The following MSI2 variants were observed in gnomAD, a reference collection of about 807,000 sequenced individuals.
The protein encoded by MSI2 is RNA-binding protein Musashi homolog 2.
In MSI2, 17 loss-of-function variants were observed where a neutral mutation model predicts 45.6. The observed-to-expected ratio is 0.37, with a 90% CI of 0.26 to 0.56. The LOEUF is 0.56. MSI2 is among the 20% of genes least tolerant of loss of function. The pLI is 0.77. For missense variants in MSI2, 293 were observed against 444.2 expected (o/e 0.66, Z 3.06); for synonymous variants, 156 against 158.2 (o/e 0.99, Z 0.11).
intron 9 of MSI2, among the ~76,000 whole-genome samples, chr17:57,617,505 A>T (rs1431784642): frequency 1.3e-5 from 2 of 152,248 alleles, no homozygotes; most frequent in African/African-American, 4.8e-5. Flanking sequence ...GTGTGATTTT[A>T]AAAATCAGTG....
intron 5 of MSI2, among the ~76,000 whole-genome samples, chr17:57,343,735 T>A (rs1261727120): frequency 6.6e-6 from 1 of 152,216 alleles, no homozygotes; most frequent in Non-Finnish European, 1.5e-5. Flanking sequence ...CATTTAGGTT[T>A]TTTTGATGAC....
At chr17:57,586,762 C>CA (rs2088358685) in intron 7 of MSI2, among the ~76,000 whole-genome samples, 1 of 152,032 alleles carries the variant, frequency 6.6e-6, no homozygotes, top group South Asian at 2.1e-4. Context: ...CCTGTGATCC[C>CA]ACCCCTTGGG....
intron 7 of MSI2, among the ~76,000 whole-genome samples, chr17:57,588,994 C>CG (rs1904568860): frequency 6.6e-6 from 1 of 152,186 alleles, no homozygotes; most frequent in Admixed American, 6.5e-5. Flanking sequence ...TGCTCAGTGA[C>CG]GGCAGATGAG....
At chr17:57,366,786 G>C (rs1598175785) in intron 5 of MSI2, among the ~76,000 whole-genome samples, 1 of 152,202 alleles carries the variant, frequency 6.6e-6, no homozygotes, top group East Asian at 1.9e-4. Flanking sequence ...TTTTGCCATA[G>C]CGTGGGTGGC....
chr17:57,506,503 T>C (rs955138133), intron 6 of MSI2, among the ~76,000 whole-genome samples: 2 of 152,186 alleles, frequency 1.3e-5, no homozygotes, highest in Non-Finnish European at 2.9e-5. Context: ...GTGGGTCTGC[T>C]CTTTCTGGTG....
intron 5 of MSI2, among the ~76,000 whole-genome samples, chr17:57,400,488 C>T (rs1041943194): frequency 2.0e-5 from 3 of 152,008 alleles, no homozygotes; most frequent in African/African-American, 4.8e-5. Flanking sequence ...ATGTGCCTGA[C>T]GCTGTGCCTG....
chr17:57,502,636 T>TATATATATATATATATAG lies in MSI2; in HGVS notation c.406-27039_406-27038insTATATATATATATATAGA. On this transcript the variant is annotated intron_variant, in intron 6 of 13. Coordinates refer to ENST00000284073, the MANE Select transcript of MSI2 (RefSeq NM_138962.4). ...ATATATATATATATATATATATATA[T>TATATATATATATATATAG]AGTCATCATTCTGTCATGCAGGAAG... Among the ~76,000 whole-genome samples the TATATATATATATATATAG allele has an allele frequency of 8.7e-3, 840 of 96,362 alleles. 24 individuals are homozygous for TATATATATATATATATAG. The highest frequency in any genetic ancestry group is 0.011 in the Non-Finnish European group (495 of 46,228). The allele number at this position is 96,362 out of a possible 152,430, so 63.2% of individuals were successfully genotyped here. A position where few individuals can be genotyped will look rare whatever the true frequency, so the allele number is the denominator to read the frequency against.
intron 7 of MSI2, among the ~76,000 whole-genome samples, chr17:57,558,401 C>G (rs1168921954): frequency 6.6e-6 from 1 of 152,074 alleles, no homozygotes; most frequent in African/African-American, 2.4e-5. Context: ...GTTGAGGCCC[C>G]GCATCCTGGA....
At chr17:57,265,437 G>A (rs56401533) in intron 5 of MSI2, 6 of 152,122 alleles carry the variant, frequency 3.9e-5, no homozygotes, top group Non-Finnish European at 7.4e-5. Context: ...GAAAGAAATG[G>A]TAACTTAAAA....
chr17:57,585,924 G>A (rs549684203), intron 7 of MSI2, among the ~76,000 whole-genome samples: 16 of 152,376 alleles, frequency 1.1e-4, no homozygotes, highest in African/African-American at 2.9e-4. Context: ...CCCGCTGGGC[G>A]CGAGCTGCAG....
At chr17:57,305,843 T>C (rs1911835209) in intron 5 of MSI2, among the ~76,000 whole-genome samples, 1 of 152,222 alleles carries the variant, frequency 6.6e-6, no homozygotes, top group African/African-American at 2.4e-5. Flanking sequence ...CACAAGGTAC[T>C]GTGAAAAGCT....
At chr17:57,419,608 AG>A (rs1245366510) in intron 6 of MSI2, among the ~76,000 whole-genome samples, 1 of 151,312 alleles carries the variant, frequency 6.6e-6, no homozygotes, top group African/African-American at 2.4e-5. Flanking sequence ...TCCTGACCTC[AG>A]GTGATCCACC....
chr17:57,263,865 T>C (rs1275533490), intron 5 of MSI2: 1 of 152,244 alleles, frequency 6.6e-6, no homozygotes, highest in African/African-American at 2.4e-5. Flanking sequence ...ATGAAACCAC[T>C]TGGGGGAGAA....
intron 10 of MSI2, among the ~76,000 whole-genome samples, chr17:57,647,593 G>A (rs1358535336): frequency 6.6e-6 from 1 of 152,060 alleles, no homozygotes; most frequent in Non-Finnish European, 1.5e-5. Flanking sequence ...CTGATGCCTG[G>A]ACAGAGACCT....
At chr17:57,593,176 T>C (rs1904986258) in intron 7 of MSI2, among the ~76,000 whole-genome samples, 1 of 152,152 alleles carries the variant, frequency 6.6e-6, no homozygotes, top group African/African-American at 2.4e-5. Context: ...CAGAGCAGCA[T>C]GATTGGCCAA....
At position 57,639,250 on chromosome 17, in the gene MSI2, C is replaced by T. The variant is rs114654632; in HGVS notation, c.727+11947C>T. Among the ~76,000 whole-genome samples, 307 of 152,320 alleles carry T rather than the reference C, an allele frequency of 2.0e-3. 2 individuals are homozygous for T. Among genetic ancestry groups the T allele is most frequent in the African/African-American group, 6.6e-3 (273 of 41,562 alleles). On this transcript the variant is annotated intron_variant, in intron 10 of 13. Transcript: ENST00000284073. ...AACATCCGAGCCGAGTTTTGGAGCA[C>T]GCACAGAAGTTCGCCAGGCAGATGA... is the stretch of plus-strand genomic sequence containing the variant.
rs563203803 is a variant in MSI2, at chr17:57,288,379, G to T, written c.312+26187G>T. On this transcript the variant is annotated intron_variant, in intron 5 of 13. Transcript: ENST00000284073. ...TTTACTGCTTTGGACCGAGAGGCCC[G>T]AGTGTGCTGTTTAGCCTTCCAGGCC... Among the ~76,000 whole-genome samples the T allele has an allele frequency of 2.0e-5, 3 of 152,282 alleles. No homozygotes were observed. The East Asian group carries it at 5.8e-4, about 29-fold the overall frequency.
At chr17:57,399,438 C>A (rs1225789013) in intron 5 of MSI2, among the ~76,000 whole-genome samples, 1 of 152,192 alleles carries the variant, frequency 6.6e-6, no homozygotes, top group Admixed American at 6.5e-5. Context: ...TGGGGTTAAC[C>A]AGCAGGTTGT....
Position 57,652,158 on chromosome 17 carries a change from T to C in MSI2, c.787T>C (p.Ser263Pro). The C allele has an allele frequency of 1.2e-6, 2 of 1,613,690 alleles. No individual in the cohort carries two copies. The highest frequency in any genetic ancestry group is 1.7e-6 in the Non-Finnish European group (2 of 1,179,894). The change falls in exon 11 of 14, where the codon TCA becomes CCA. Residue 263 changes from serine (S) to proline (P), a missense_variant. Coordinates refer to ENST00000284073, the MANE Select transcript of MSI2 (RefSeq NM_138962.4). The surrounding 1 kb of genome is among the most constrained non-coding windows in gnomAD (Gnocchi z 4.1). Reference protein sequence around the residue: ...AAAAVAAARGSGSNPARPGGF... With the variant: ...AAAAVAAARGPGSNPARPGGF... ...AGCGGCGGTGGCGGCAGCAAGAGGATCAGGTAGGAAGGTGTATGGGACAGG... is the reference window on the plus strand; with the variant it reads ...AGCGGCGGTGGCGGCAGCAAGAGGACCAGGTAGGAAGGTGTATGGGACAGG...
Sources: gnomAD v4.1 joint callset for allele counts (sites outside exome capture counted in the v4.1 genomes callset) on GRCh38, gnomAD v4.1.1 for gene constraint, Gnocchi (gnomAD v3.1) non-coding constraint, MANE v1.5 for transcripts, NCBI Gene and HGNC (gene_info 2026-07-23, HGNC 2026-07-21) for gene names.